The following SHCBP1 variants were observed in gnomAD, a reference collection of about 807,000 sequenced individuals.
SHCBP1 encodes the protein SHC binding and spindle associated 1, also known as SHC SH2 domain-binding protein 1.
SHCBP1 carries 60 observed loss-of-function variants against 75.1 expected under a neutral mutation model. The ratio of observed to expected loss-of-function variants is 0.80; its 90% CI spans 0.65 to 0.99. The LOEUF (loss-of-function observed/expected upper bound fraction) is 0.99, where lower values mean the gene tolerates loss of function less well. Among genes scored for constraint, SHCBP1 ranks in the 50% least tolerant of loss-of-function variants. The probability of loss-of-function intolerance (pLI) is 0.00; values close to 1 mark genes in which losing one functional copy is unlikely to be tolerated. For missense variants in SHCBP1, 709 were observed against 809.4 expected (o/e 0.88, Z 1.50); for synonymous variants, 290 against 293.2 (o/e 0.99, Z 0.11).
chr16:46,599,690 A>AAAAAAAAAAAAAAAAAAAAAAGC, intron 9 of SHCBP1, 141 bp downstream of exon 9: 1 of 343,774 alleles, frequency 2.9e-6, no homozygotes, highest in Non-Finnish European at 5.0e-6. Context: ...AAAAAAAAAA[A>AAAAAAAAAAAAAAAAAAAAAAGC]AACTCAGCAT....
intron 5 of SHCBP1, among the ~76,000 whole-genome samples, chr16:46,607,620 TA>T (rs1875916819): frequency 2.6e-5 from 4 of 152,182 alleles, no homozygotes; most frequent in Admixed American, 2.6e-4. Context: ...CTTCTACAAT[TA>T]TTTTTTTGGA....
chr16:46,604,488 C>A, intron 5 of SHCBP1, 27 bp from the exon 6 acceptor site: 2 of 1,520,224 alleles, frequency 1.3e-6, no homozygotes. Flanking sequence ...AAAGTGAAAT[C>A]CACTGCCTTT....
At chr16:46,602,816 C>T (rs1247103024) in intron 8 of SHCBP1, among the ~76,000 whole-genome samples, 1 of 151,712 alleles carries the variant, frequency 6.6e-6, no homozygotes, top group Non-Finnish European at 1.5e-5. Context: ...TTTTTAGTAC[C>T]GACGGGGTTT....
chr16:46,617,865 T>C, intron 2 of SHCBP1, 116 bp from the exon 3 acceptor site: 1 of 820,974 alleles, frequency 1.2e-6, no homozygotes, highest in Non-Finnish European at 2.0e-6. Context: ...ATAATCTACT[T>C]GCAAACTAAA....
intron 1 of SHCBP1, 83 bp downstream of exon 1, chr16:46,621,174 G>T: frequency 7.7e-7 from 1 of 1,306,338 alleles, no homozygotes; most frequent in Non-Finnish European, 1.0e-6. Context: ...CGGAAGGCCC[G>T]CGACCCAGGC....
At chr16:46,584,882 T>G (rs1410004419) in intron 10 of SHCBP1, among the ~76,000 whole-genome samples, 1 of 152,252 alleles carries the variant, frequency 6.6e-6, no homozygotes, top group Non-Finnish European at 1.5e-5. Context: ...TAACCATTGA[T>G]GACACATCTA....
At position 46,620,878 on chromosome 16, in the gene SHCBP1, A is replaced by T. The variant is rs117635693; in HGVS notation, c.103+379T>A. On this transcript the variant is annotated intron_variant, in intron 1 of 12. Coordinates refer to ENST00000303383, the MANE Select transcript of SHCBP1 (RefSeq NM_024745.5). ...TTCAAGCTTTTCTCTTCTTCGGAAA[A>T]GGGAAGTGTGGTTCGTGATCTCCTT... 349 of 179,418 alleles carry T rather than the reference A, an allele frequency of 1.9e-3. 1 individual carries two copies. Among genetic ancestry groups the T allele is most frequent in the Non-Finnish European group, 3.3e-3 (287 of 86,342 alleles). The allele number at this position is 179,418 out of a possible 1,614,324, so 11.1% of individuals were successfully genotyped here. A position where few individuals can be genotyped will look rare whatever the true frequency, so the allele number is the denominator to read the frequency against.
intron 10 of SHCBP1, among the ~76,000 whole-genome samples, chr16:46,585,140 CA>C (rs1471688922): frequency 1.3e-5 from 2 of 152,098 alleles, no homozygotes; most frequent in African/African-American, 2.4e-5. Context: ...AATTAAATAT[CA>C]AACTGTCAGG....
In SHCBP1 at chr16:46,578,766, CA is replaced by C. The variant is rs1487333667; in HGVS notation, c.*2962del. 1.3e-5 allele frequency among the ~76,000 whole-genome samples: 2 copies of C among 152,072 alleles called. No homozygotes were observed. Among genetic ancestry groups the C allele is most frequent in the African/African-American group, 4.8e-5 (2 of 41,420 alleles). On this transcript the variant is annotated 3_prime_UTR_variant, in exon 13 of 13. Coordinates refer to ENST00000303383, the MANE Select transcript of SHCBP1 (RefSeq NM_024745.5). ...AAATTTTGCATCAAAGGCCAATTAT[CA>C]AAATTTATTTCAACTTAATTTCCAT... is the stretch of plus-strand genomic sequence containing the variant.
chr16:46,591,079 A>C (rs1204756273), intron 10 of SHCBP1, among the ~76,000 whole-genome samples: 1 of 152,128 alleles, frequency 6.6e-6, no homozygotes, highest in Non-Finnish European at 1.5e-5. Flanking sequence ...AGAAAACCAA[A>C]CACCGCATGT....
chr16:46,617,673 C>CCG lies in SHCBP1; in HGVS notation c.346_347dup (p.Ala117GlyfsTer23), dbSNP rs755113939. 27 of 1,613,766 alleles carry CCG rather than the reference C, an allele frequency of 1.7e-5. No homozygotes were observed. The South Asian group carries it at 3.0e-4, about 18-fold the overall frequency. ...TGAACACATTAGTGTGCCAGACTGC[C>CCG]CGCCATCCAGATGGCTCAAGGACCT... On this transcript the variant is annotated frameshift_variant, in exon 3 of 13. Transcript: ENST00000303383. LOFTEE classifies it high-confidence loss of function.
chr16:46,610,991 G>A (rs35313904), intron 4 of SHCBP1, among the ~76,000 whole-genome samples: 71,179 of 152,062 alleles, frequency 0.47, 19,263 homozygotes, highest in South Asian at 0.67. Context: ...AGCAGGAAGA[G>A]CAGAGCCTCA....
intron 10 of SHCBP1, among the ~76,000 whole-genome samples, chr16:46,585,864 C>A (rs755741431): frequency 2.6e-5 from 4 of 152,114 alleles, no homozygotes; most frequent in Non-Finnish European, 4.4e-5. Context: ...AGACCTCCCA[C>A]CCCTACATAG....
In SHCBP1 at chr16:46,584,042, G is replaced by C; in HGVS notation, c.1512C>G (p.Asp504Glu). Residue 504 changes from aspartate (D) to glutamate (E), a missense_variant, in exon 11 of 13, where the codon GAC becomes GAG. Physicochemically the swap from Asp to Glu is conservative, Grantham distance 45. Coordinates refer to ENST00000303383, the MANE Select transcript of SHCBP1 (RefSeq NM_024745.5). ...IYPGSQCTLS[D>E]NGIHHCKEGI... is the part of the protein sequence containing the mutation. The stretch of plus-strand genomic sequence containing the variant: ...CTTCCTTGCAGTGATGGATCCCATT[G>C]TCACTCAGGGTGCACTGACTCCCAG... 1 of 1,606,686 alleles carries C rather than the reference G, an allele frequency of 6.2e-7. No homozygotes were observed. Among genetic ancestry groups the C allele is most frequent in the Non-Finnish European group, 8.5e-7 (1 of 1,176,110 alleles).
intron 10 of SHCBP1, among the ~76,000 whole-genome samples, chr16:46,587,879 T>C (rs1383458077): frequency 1.3e-5 from 2 of 152,110 alleles, no homozygotes; most frequent in Non-Finnish European, 2.9e-5. Context: ...CAGCACCACA[T>C]CACACTTATT....
chr16:46,581,744 G>A lies in SHCBP1; in HGVS notation c.2004C>T (p.Gly668=). The change falls in exon 13 of 13, where the codon GGC becomes GGT. Residue 668 remains glycine, a synonymous_variant. Transcript: ENST00000303383. ...ATCACTGTAGTCAGAAAAGAAATGT[G>A]CCAAAACTACCTTTCCCATTCCACT... ...QFKWNGKGSF[G]TFLF The A allele has an allele frequency of 6.2e-7, 1 of 1,613,134 alleles. No homozygotes were observed. Among genetic ancestry groups the A allele is most frequent in the Non-Finnish European group, 8.5e-7 (1 of 1,179,266 alleles).
chr16:46,606,566 G>A lies in SHCBP1; in HGVS notation c.689+1731C>T, dbSNP rs1046353910. Among the ~76,000 whole-genome samples the A allele has an allele frequency of 1.2e-4, 19 of 152,206 alleles. 1 individual carries two copies. Among genetic ancestry groups the A allele is most frequent in the South Asian group, 1.2e-3 (6 of 4,822 alleles). On this transcript the variant is annotated intron_variant, in intron 5 of 12. Coordinates refer to ENST00000303383, the MANE Select transcript of SHCBP1 (RefSeq NM_024745.5). ...TTCCAAGTAAAGATTGAATTTGTCCGATATACGTTATGTTCCCTTATCATA... is the reference window on the plus strand; with the variant it reads ...TTCCAAGTAAAGATTGAATTTGTCCAATATACGTTATGTTCCCTTATCATA...
chr16:46,614,477 C>A (rs1257032847), intron 4 of SHCBP1, among the ~76,000 whole-genome samples: 3 of 152,186 alleles, frequency 2.0e-5, no homozygotes, highest in Non-Finnish European at 4.4e-5. Flanking sequence ...ATATCAGGAA[C>A]TATCCAATAA....
chr16:46,604,107 T>C lies in SHCBP1; in HGVS notation c.960A>G (p.Gln320=). 1 of 1,614,198 alleles carries C rather than the reference T, an allele frequency of 6.2e-7. No individual in the cohort carries two copies. The highest frequency in any genetic ancestry group is 1.1e-5 in the South Asian group (1 of 91,076). The part of the protein sequence containing the change: ...VFGYQKNSNI[Q]AKGVRSSGQK... ...GACCGCTGGAACGGACACCCTTTGC[T>C]TGGATGTTAGAATTCTTCTGATAAC... Residue 320 remains glutamine, a synonymous_variant, in exon 7 of 13, where the codon CAA becomes CAG. Coordinates refer to ENST00000303383, the MANE Select transcript of SHCBP1 (RefSeq NM_024745.5).
Sources: allele counts gnomAD v4.1 joint callset (sites outside exome capture counted in the v4.1 genomes callset), GRCh38; gene constraint gnomAD v4.1.1; transcripts MANE v1.5; gene names NCBI Gene and HGNC (gene_info 2026-07-23, HGNC 2026-07-21).